UIMC1: variants seen among roughly 807,000 people sequenced by gnomAD.
UIMC1 encodes BRCA1-A complex subunit RAP80.
A neutral mutation model predicts 84.9 loss-of-function variants in UIMC1; 42 were observed. That is an observed-to-expected ratio of 0.49 (90% CI 0.39 to 0.64). UIMC1 has a LOEUF of 0.64. UIMC1 is among the 30% of genes least tolerant of loss of function. The probability of loss-of-function intolerance (pLI) is 0.00; values close to 1 mark genes in which losing one functional copy is unlikely to be tolerated. For missense variants in UIMC1, 825 were observed against 847.6 expected, an observed-to-expected ratio of 0.97 and a Z score of 0.33; for synonymous variants, 281 against 293.0, an observed-to-expected ratio of 0.96 and a Z score of 0.42.
intron 11 of UIMC1, among the ~76,000 whole-genome samples, chr5:176,911,110 G>GAAA (rs1760103460): frequency 8.9e-6 from 1 of 112,978 alleles, no homozygotes; most frequent in Non-Finnish European, 1.8e-5. Flanking sequence ...AAGAGAGAGA[G>GAAA]AGAAGAAAAG....
intron 6 of UIMC1, among the ~76,000 whole-genome samples, chr5:176,963,395 C>G (rs1767839356): frequency 6.6e-6 from 1 of 151,924 alleles, no homozygotes; most frequent in Non-Finnish European, 1.5e-5. Context: ...GTGGTGCATG[C>G]CTGTGACCCC....
intron 6 of UIMC1, among the ~76,000 whole-genome samples, chr5:176,965,944 T>A (rs907487144): frequency 3.3e-5 from 5 of 152,186 alleles, no homozygotes; most frequent in African/African-American, 1.2e-4. Context: ...AGAAGCAGCA[T>A]CTCCGAATTG....
chr5:177,013,881 T>C (rs760132682), intron 1 of UIMC1, among the ~76,000 whole-genome samples: 2 of 152,092 alleles, frequency 1.3e-5, no homozygotes, highest in Non-Finnish European at 2.9e-5. Flanking sequence ...CAGGGAAACT[T>C]GCCTGAGCCT....
intron 1 of UIMC1, among the ~76,000 whole-genome samples, chr5:176,993,177 T>A (rs1773128402): frequency 8.5e-6 from 1 of 117,440 alleles, no homozygotes; most frequent in African/African-American, 3.2e-5. Flanking sequence ...CAAGACTCCA[T>A]CTCAAAAAAA....
intron 10 of UIMC1, among the ~76,000 whole-genome samples, chr5:176,924,272 C>T (rs905820574): frequency 3.3e-5 from 5 of 149,516 alleles, no homozygotes; most frequent in African/African-American, 1.2e-4. Context: ...GAGCCGAGAT[C>T]GTACCACTGC....
At chr5:176,927,547 C>A (rs778769981) in intron 10 of UIMC1, among the ~76,000 whole-genome samples, 2 of 152,054 alleles carry the variant, frequency 1.3e-5, no homozygotes, top group Non-Finnish European at 2.9e-5. Context: ...AGCCACCACA[C>A]CCAGCCAAAT....
chr5:176,991,689 T>C (rs950324712), intron 1 of UIMC1, among the ~76,000 whole-genome samples: 24 of 149,624 alleles, frequency 1.6e-4, no homozygotes, highest in African/African-American at 5.4e-4. Context: ...TCTCAGCACT[T>C]TGAGAGGCCG....
chr5:176,974,038 G>A (rs879898995), intron 3 of UIMC1, among the ~76,000 whole-genome samples: 30 of 152,050 alleles, frequency 2.0e-4, no homozygotes, highest in Non-Finnish European at 4.1e-4. Flanking sequence ...CAGCCTGGGC[G>A]ACAGAGTAGG....
At chr5:176,968,314 G>C (rs1199244729) in intron 6 of UIMC1, among the ~76,000 whole-genome samples, 1 of 151,888 alleles carries the variant, frequency 6.6e-6, no homozygotes, top group Middle Eastern at 3.4e-3. Context: ...GGAGATTGCA[G>C]TGAGCCGAAG....
chr5:177,014,621 T>C (rs1342222489), intron 1 of UIMC1, among the ~76,000 whole-genome samples: 1 of 152,036 alleles, frequency 6.6e-6, no homozygotes. Flanking sequence ...CGCTTGAACC[T>C]GGGAGGGCAG....
At chr5:176,986,158 G>A (rs1257045863) in intron 1 of UIMC1, among the ~76,000 whole-genome samples, 1 of 151,108 alleles carries the variant, frequency 6.6e-6, no homozygotes, top group African/African-American at 2.4e-5. Context: ...TCAGGAGTTC[G>A]AGACCAGCCT....
intron 1 of UIMC1, among the ~76,000 whole-genome samples, chr5:176,985,136 G>A (rs919601154): frequency 2.6e-5 from 4 of 151,904 alleles, no homozygotes; most frequent in Non-Finnish European, 5.9e-5. Flanking sequence ...GAAAAATATA[G>A]GGAAAAAATG....
chr5:176,927,019 G>A (rs987427676), intron 10 of UIMC1, among the ~76,000 whole-genome samples: 4 of 152,154 alleles, frequency 2.6e-5, no homozygotes, highest in East Asian at 1.9e-4. Context: ...CTGCATAAGC[G>A]CATACTGACT....
chr5:177,013,361 AACACAC>A (rs6149367), intron 1 of UIMC1, among the ~76,000 whole-genome samples: 1,444 of 137,812 alleles, frequency 0.01, 23 homozygotes, highest in African/African-American at 0.034. Context: ...ACTGCATCCA[AACACAC>A]ACACACACAC....
intron 11 of UIMC1, among the ~76,000 whole-genome samples, chr5:176,910,743 G>A (rs961043761): frequency 2.0e-5 from 3 of 152,122 alleles, no homozygotes; most frequent in African/African-American, 7.2e-5. Context: ...TGCTTTTAGT[G>A]TATTAAAAAG....
chr5:176,997,150 C>G (rs1488561547), intron 1 of UIMC1, among the ~76,000 whole-genome samples: 1 of 151,718 alleles, frequency 6.6e-6, no homozygotes, highest in Non-Finnish European at 1.5e-5. Context: ...ACTCTCTTTC[C>G]CTCATTTTTC....
intron 11 of UIMC1, among the ~76,000 whole-genome samples, chr5:176,910,857 G>C (rs867563861): frequency 5.3e-5 from 8 of 152,078 alleles, no homozygotes; most frequent in Non-Finnish European, 8.8e-5. Flanking sequence ...TTGGGAGGCC[G>C]AGGCAGGCCA....
At chr5:176,983,875 G>A (rs1405142674) in intron 1 of UIMC1, among the ~76,000 whole-genome samples, 4 of 142,496 alleles carry the variant, frequency 2.8e-5, no homozygotes, top group Non-Finnish European at 6.1e-5. Context: ...GAGTGCCTCT[G>A]CCCGGCCGCC....
chr5:176,936,405 T>A (rs893165500), intron 10 of UIMC1, among the ~76,000 whole-genome samples: 3 of 152,166 alleles, frequency 2.0e-5, no homozygotes, highest in African/African-American at 7.2e-5. Context: ...AAAAACAAAA[T>A]ATTGACTCTA....
Sources: allele counts gnomAD v4.1 joint callset (sites outside exome capture counted in the v4.1 genomes callset), GRCh38; gene constraint gnomAD v4.1.1; transcripts MANE v1.5; gene names NCBI Gene and HGNC (gene_info 2026-07-23, HGNC 2026-07-21).